The following STK32B variants were observed in gnomAD, a reference collection of about 807,000 sequenced individuals.
The protein encoded by STK32B is serine/threonine kinase 32B.
A neutral mutation model predicts 52.6 loss-of-function variants in STK32B; 43 were observed. The ratio of observed to expected loss-of-function variants is 0.82; its 90% confidence interval spans 0.64 to 1.05. The LOEUF (loss-of-function observed/expected upper bound fraction) is 1.05. STK32B is among the 50% of genes least tolerant of loss of function. The pLI is 0.00. For missense variants in STK32B, 621 were observed against 534.6 expected, an observed-to-expected ratio of 1.16 and a Z score of -1.59; for synonymous variants, 238 against 204.3, an observed-to-expected ratio of 1.17 and a Z score of -1.41.
intron 5 of STK32B, among the ~76,000 whole-genome samples, chr4:5,414,838 T>A (rs1712020562): frequency 1.3e-5 from 2 of 152,180 alleles, no homozygotes; most frequent in Admixed American, 1.3e-4. Context: ...AACATGTCTG[T>A]ATTCTTTCAC....
intron 3 of STK32B, among the ~76,000 whole-genome samples, chr4:5,182,306 A>G (rs116385867): frequency 0.033 from 5,067 of 152,272 alleles, 105 homozygotes; most frequent in Admixed American, 0.049. Context: ...ACTCCTGTTA[A>G]TGGTGATATT....
chr4:5,247,360 G>T (rs938934583), intron 3 of STK32B, among the ~76,000 whole-genome samples: 2 of 152,208 alleles, frequency 1.3e-5, no homozygotes, highest in Non-Finnish European at 2.9e-5. Context: ...ATAGGCGTAG[G>T]ACCCTCTGAG....
chr4:5,147,602 A>G (rs1005127391), intron 2 of STK32B, among the ~76,000 whole-genome samples: 1 of 151,928 alleles, frequency 6.6e-6, no homozygotes, highest in African/African-American at 2.4e-5. Context: ...GCTCCTTTTT[A>G]GTTGTAGTTT....
chr4:5,467,387 C>T lies in STK32B; in HGVS notation c.1041+553C>T, dbSNP rs1191843144. Among the ~76,000 whole-genome samples, 2 of 152,090 alleles carry T rather than the reference C, an allele frequency of 1.3e-5. No individual in the cohort carries two copies. The highest frequency in any genetic ancestry group is 6.6e-5 in the Admixed American group (1 of 15,262). ...CCGGCCCCCTTGTCCTTCGCTGGCT[C>T]GCAGCTGCATGGTTCCAGTCTCTCC... On this transcript the variant is annotated intron_variant, in intron 10 of 11. Coordinates refer to ENST00000282908, the MANE Select transcript of STK32B (RefSeq NM_018401.3). The surrounding 1 kb of genome is among the most constrained non-coding windows in gnomAD (Gnocchi z 5.8).
chr4:5,326,019 A>G (rs1384954148), intron 3 of STK32B, among the ~76,000 whole-genome samples: 1 of 152,166 alleles, frequency 6.6e-6, no homozygotes, highest in African/African-American at 2.4e-5. Context: ...CCACAACCTG[A>G]ATTATTGCTT....
intron 3 of STK32B, among the ~76,000 whole-genome samples, chr4:5,218,816 G>A (rs74658513): frequency 0.038 from 5,825 of 152,264 alleles, 120 homozygotes; most frequent in Middle Eastern, 0.058. Flanking sequence ...TGCTTTTGGC[G>A]TGCTCTTGCC....
At chr4:5,137,645 G>A (rs1405521295) in intron 1 of STK32B, among the ~76,000 whole-genome samples, 1 of 152,212 alleles carries the variant, frequency 6.6e-6, no homozygotes, top group African/African-American at 2.4e-5. Flanking sequence ...GAGGCTAAAT[G>A]ATGCCGCTAA....
At chr4:5,484,678 T>A (rs928351647) in intron 11 of STK32B, among the ~76,000 whole-genome samples, 1 of 152,208 alleles carries the variant, frequency 6.6e-6, no homozygotes, top group African/African-American at 2.4e-5. Context: ...AGTTTCTTCC[T>A]AGCCTCGATG....
At chr4:5,436,706 A>C (rs998745) in intron 6 of STK32B, 34,188 of 975,472 alleles carry the variant, frequency 0.035, 672 homozygotes, top group South Asian at 0.081. Context: ...TGGCAGCTGA[A>C]TATCACTGTG....
At chr4:5,202,778 C>CAGA (rs1722258868) in intron 3 of STK32B, among the ~76,000 whole-genome samples, 1 of 152,218 alleles carries the variant, frequency 6.6e-6, no homozygotes, top group Admixed American at 6.5e-5. Context: ...TGGTTCCATC[C>CAGA]CCTCATGTCT....
intron 3 of STK32B, among the ~76,000 whole-genome samples, chr4:5,305,774 G>C (rs1053347425): frequency 2.6e-5 from 4 of 151,782 alleles, no homozygotes; most frequent in African/African-American, 9.7e-5. Flanking sequence ...TGTTTCTCTA[G>C]CTCCTTGTCA....
chr4:5,449,474 T>A (rs1013366990), intron 7 of STK32B, among the ~76,000 whole-genome samples: 37 of 152,208 alleles, frequency 2.4e-4, no homozygotes, highest in Non-Finnish European at 3.7e-4. Flanking sequence ...AAACAGCTGT[T>A]TCTCCTCATG....
intron 3 of STK32B, among the ~76,000 whole-genome samples, chr4:5,192,766 G>T (rs531132757): frequency 6.6e-6 from 1 of 152,198 alleles, no homozygotes; most frequent in East Asian, 1.9e-4. Context: ...CAAATTTCGA[G>T]TACACAAGTC....
At chr4:5,271,491 T>C (rs1278806876) in intron 3 of STK32B, among the ~76,000 whole-genome samples, 4 of 151,458 alleles carry the variant, frequency 2.6e-5, no homozygotes, top group African/African-American at 4.9e-5. Context: ...ATGCGGGCTC[T>C]TTTTTGGTTC....
intron 3 of STK32B, among the ~76,000 whole-genome samples, chr4:5,278,069 T>C (rs7655639): frequency 0.14 from 21,630 of 152,152 alleles, 3,584 homozygotes; most frequent in African/African-American, 0.4. Flanking sequence ...CATTGGCAGA[T>C]GAGGTGACTC....
At chr4:5,294,623 G>A (rs28772711) in intron 3 of STK32B, among the ~76,000 whole-genome samples, 11,094 of 152,104 alleles carry the variant, frequency 0.073, 452 homozygotes, top group South Asian at 0.099. Flanking sequence ...CATTGATTTT[G>A]TATTCTGAGA....
chr4:5,165,410 T>C lies in STK32B; in HGVS notation c.109-2889T>C, dbSNP rs1484922877. Reference sequence around the variant, plus strand: ...TTCCTAAAATGTCTCTGAGCTGAGGTGAGAGCTGTCCCTTGAAACCCAGAA... The same window carrying C: ...TTCCTAAAATGTCTCTGAGCTGAGGCGAGAGCTGTCCCTTGAAACCCAGAA... On this transcript the variant is annotated intron_variant, in intron 2 of 11. Coordinates refer to ENST00000282908, the MANE Select transcript of STK32B (RefSeq NM_018401.3). Among the ~76,000 whole-genome samples, 4 of 152,126 alleles carry C rather than the reference T, an allele frequency of 2.6e-5. No individual in the cohort carries two copies. In the East Asian group the frequency reaches 7.7e-4, roughly 29 times the overall value.
intron 5 of STK32B, among the ~76,000 whole-genome samples, chr4:5,411,731 C>T (rs983883825): frequency 7.2e-5 from 11 of 152,112 alleles, no homozygotes; most frequent in Non-Finnish European, 1.5e-4. Flanking sequence ...TTGACAAATA[C>T]ATTTGAACCA....
intron 3 of STK32B, among the ~76,000 whole-genome samples, chr4:5,248,551 T>G (rs982895719): frequency 1.3e-5 from 2 of 152,232 alleles, no homozygotes; most frequent in Admixed American, 6.5e-5. Context: ...GAGACACTTG[T>G]CTTTTTATGC....
Sources: gnomAD v4.1 joint callset for allele counts (sites outside exome capture counted in the v4.1 genomes callset) on GRCh38, gnomAD v4.1.1 for gene constraint, Gnocchi (gnomAD v3.1) non-coding constraint, MANE v1.5 for transcripts, NCBI Gene and HGNC (gene_info 2026-07-23, HGNC 2026-07-21) for gene names.